NFXL1: variants seen among roughly 807,000 people sequenced by gnomAD.
NFXL1 encodes nuclear transcription factor, X-box binding like 1.
NFXL1 carries 66 observed loss-of-function variants against 123.3 expected under a neutral mutation model. The observed-to-expected ratio is 0.54, with a 90% CI of 0.44 to 0.66. The LOEUF is 0.66. Among genes scored for constraint, NFXL1 ranks in the 30% least tolerant of loss-of-function variants. NFXL1 has a pLI of 0.00. For missense variants in NFXL1, 944 were observed against 1,125.6 expected, an observed-to-expected ratio of 0.84 and a Z score of 2.31; for synonymous variants, 346 against 360.8, an observed-to-expected ratio of 0.96 and a Z score of 0.46.
In NFXL1 at chr4:47,903,206, A is replaced by T; in HGVS notation, c.634T>A (p.Cys212Ser). The change falls in exon 5 of 23, where the codon TGT becomes AGT. Residue 212 changes from cysteine to serine, a missense_variant. By Grantham distance (112) the Cys-to-Ser change is moderately radical. Transcript: ENST00000507489. ...VTDDDFGKKD[C>S]PWPCPKCRFE... ...AGAAAAAGTTACCAAGGCCAGGGAC[A>T]ATCTTTCTTTCCAAAATCATCATCA... The T allele has an allele frequency of 6.3e-7, 1 of 1,589,926 alleles. No individual in the cohort carries two copies. The highest frequency in any genetic ancestry group is 8.5e-7 in the Non-Finnish European group (1 of 1,170,392).
intron 15 of NFXL1, chr4:47,882,223 AC>A (rs1200431971): frequency 6.6e-6 from 1 of 152,238 alleles, no homozygotes; most frequent in Non-Finnish European, 1.5e-5. Flanking sequence ...GAAAATAAAC[AC>A]ATCATTTCCC....
In NFXL1 at chr4:47,910,858, A is replaced by C; in HGVS notation, c.372T>G (p.Leu124=). Residue 124 remains leucine, a synonymous_variant, in exon 3 of 23, where the codon CTT becomes CTG. Transcript: ENST00000507489. ...TAGTGTATGTTATAAACGTATTTGC[A>C]AGTATTTTTCCCTGTTTTCCTTCAA... ...EDFEGKQGKI[L]ANTFITYTTQ... The C allele has an allele frequency of 1.2e-6, 2 of 1,600,986 alleles. No homozygotes were observed. The highest frequency in any genetic ancestry group is 2.3e-5 in the South Asian group (2 of 88,346).
intron 18 of NFXL1, among the ~76,000 whole-genome samples, chr4:47,864,666 CAAGAAGA>C (rs1734951294): frequency 6.6e-6 from 1 of 152,016 alleles, no homozygotes; most frequent in Non-Finnish European, 1.5e-5. Flanking sequence ...CATAAAGGCC[CAAGAAGA>C]TAGGGTACGA....
Position 47,899,008 on chromosome 4 carries a change from T to A in NFXL1, c.939A>T (p.Gly313=), listed in dbSNP as rs148262507. 2.0e-5 allele frequency: 33 copies of A among 1,613,946 alleles called. No individual in the cohort carries two copies. The African/African-American group carries it at 2.5e-4, about 12-fold the overall frequency. Residue 313 remains glycine, a synonymous_variant, in exon 7 of 23, where the codon GGA becomes GGT. Coordinates refer to ENST00000507489, the MANE Select transcript of NFXL1 (RefSeq NM_001278624.2). ...TATGTTGCCCACAAAGCAACTTCTG[T>A]CCACATGGCAGCTGACAAGACCATT... ...AKEWSCQLPC[G]QKLLCGQHKC...
rs188856371 is a variant in NFXL1, at chr4:47,897,824, G to A, written c.1204+143C>T. On this transcript the variant is annotated intron_variant, in intron 9 of 22. Coordinates refer to ENST00000507489, the MANE Select transcript of NFXL1 (RefSeq NM_001278624.2). ...CCTTTCCAGAATGTCATATAGTTGG[G>A]GGCTTAAATTTTGTAGCTTTTTCAG... is the stretch of plus-strand genomic sequence containing the variant. The A allele has an allele frequency of 1.4e-3, 811 of 570,780 alleles. 8 individuals carry two copies. The Admixed American group carries it at 0.026, about 18-fold the overall frequency. The allele number at this position is 570,780 out of a possible 1,614,324, so 35.4% of individuals were successfully genotyped here.
intron 2 of NFXL1, among the ~76,000 whole-genome samples, chr4:47,911,875 T>C (rs1414920983): frequency 2.0e-5 from 3 of 152,200 alleles, no homozygotes; most frequent in Non-Finnish European, 4.4e-5. Context: ...GCAAACATAG[T>C]TTAAGAAAGG....
chr4:47,898,706 A>T lies in NFXL1; in HGVS notation c.1089+51T>A, dbSNP rs762255038. ...AGCCTTGCTGCTTTCTAGGTTGTCT[A>T]TGCTTTCTGTACTCTTTAATACCCA... On this transcript the variant is annotated intron_variant, in intron 8 of 22. Coordinates refer to ENST00000507489, the MANE Select transcript of NFXL1 (RefSeq NM_001278624.2). 6.6e-6 allele frequency: 8 copies of T among 1,214,774 alleles called. No homozygotes were observed. The South Asian group carries it at 8.4e-5, about 13-fold the overall frequency. 75.2% of individuals were successfully genotyped at this position (1,214,774 alleles called of 1,614,324 possible).
rs764740382 is a variant in NFXL1 at position 47,848,135 on chromosome 4, G to A, written c.*28C>T. On this transcript the variant is annotated 3_prime_UTR_variant, in exon 23 of 23. Transcript: ENST00000507489. ...TTAACAACTTATCTAAATCCAATCT[G>A]AGTTACATTAAAAGATCAAAACTTT... The A allele has an allele frequency of 6.9e-6, 10 of 1,444,184 alleles. No individual in the cohort carries two copies. The highest frequency in any genetic ancestry group is 9.5e-6 in the Non-Finnish European group (10 of 1,056,442). 89.5% of individuals were successfully genotyped at this position (1,444,184 alleles called of 1,614,324 possible).
chr4:47,895,246 C>T (rs535095693), intron 10 of NFXL1, among the ~76,000 whole-genome samples: 43 of 152,054 alleles, frequency 2.8e-4, no homozygotes, highest in Non-Finnish European at 5.4e-4. Context: ...CAAAAGATCC[C>T]TAGGATTTTT....
chr4:47,908,113 C>T (rs1164382927), intron 3 of NFXL1, among the ~76,000 whole-genome samples: 2 of 152,172 alleles, frequency 1.3e-5, no homozygotes, highest in Non-Finnish European at 2.9e-5. Flanking sequence ...TGAAATACAT[C>T]GATCCTTCTG....
rs1577979163 is a variant in NFXL1 at position 47,850,884 on chromosome 4, A to T, written c.2562+211T>A. Among the ~76,000 whole-genome samples the T allele has an allele frequency of 1.3e-5, 2 of 152,184 alleles. 1 individual carries two copies. ...AGTAAATTGGAAATACAAAAAAAAA[A>T]TTTGGGAATATATGAGATCTCATAC... is the stretch of plus-strand genomic sequence containing the variant. On this transcript the variant is annotated intron_variant, in intron 22 of 22. Transcript: ENST00000507489.
At chr4:47,850,772 A>G (rs1359849558) in intron 22 of NFXL1, among the ~76,000 whole-genome samples, 1 of 152,094 alleles carries the variant, frequency 6.6e-6, no homozygotes, top group Non-Finnish European at 1.5e-5. Flanking sequence ...GATGCCTTAC[A>G]ATGGTGATGA....
intron 21 of NFXL1, 56 bp downstream of exon 21, chr4:47,851,800 C>T (rs760465360): frequency 3.1e-5 from 36 of 1,162,378 alleles, no homozygotes; most frequent in Non-Finnish European, 4.3e-5. Context: ...CATAAATGCA[C>T]AAAATAAGAA....
chr4:47,848,353 T>C lies in NFXL1; in HGVS notation c.2563-17A>G, dbSNP rs80211868. 1.1e-3 allele frequency: 1,730 copies of C among 1,568,358 alleles called. 15 individuals carry two copies. The African/African-American group carries it at 0.022, about 20-fold the overall frequency. On this transcript the variant is annotated splice_polypyrimidine_tract_variant and intron_variant, in intron 22 of 22. Coordinates refer to ENST00000507489, the MANE Select transcript of NFXL1 (RefSeq NM_001278624.2). ...TAGTTCAGCCTAAATAAAAACAGCA[T>C]CATTTTAATTAAATTCAATGCATAC... is the stretch of plus-strand genomic sequence containing the variant.
At chr4:47,877,281 T>C (rs1163047104) in intron 17 of NFXL1, 4 of 406,554 alleles carry the variant, frequency 9.8e-6, no homozygotes, top group South Asian at 1.8e-5. Flanking sequence ...TACTAAATTA[T>C]CTTCCTGGAT....
chr4:47,881,165 A>AAT (rs1736095384), intron 15 of NFXL1, among the ~76,000 whole-genome samples: 1 of 152,132 alleles, frequency 6.6e-6, no homozygotes. Flanking sequence ...AGTTAACAAT[A>AAT]ATATATATTT....
At chr4:47,849,795 AT>A (rs1043322791) in intron 22 of NFXL1, among the ~76,000 whole-genome samples, 1 of 152,154 alleles carries the variant, frequency 6.6e-6, no homozygotes, top group African/African-American at 2.4e-5. Flanking sequence ...AAACCTGAGG[AT>A]GATCAAGTCT....
intron 9 of NFXL1, among the ~76,000 whole-genome samples, chr4:47,896,905 T>C (rs1737118420): frequency 6.6e-6 from 1 of 152,192 alleles, no homozygotes; most frequent in Admixed American, 6.5e-5. Flanking sequence ...ACTTCAGAAA[T>C]AGTTATCTAA....
intron 18 of NFXL1, among the ~76,000 whole-genome samples, chr4:47,863,288 CTAAT>C (rs1438937381): frequency 6.6e-6 from 1 of 152,078 alleles, no homozygotes; most frequent in Non-Finnish European, 1.5e-5. Context: ...AAATTTAAAA[CTAAT>C]TATTTAATAT....
Sources: allele counts gnomAD v4.1 joint callset (sites outside exome capture counted in the v4.1 genomes callset), GRCh38; gene constraint gnomAD v4.1.1; transcripts MANE v1.5; gene names NCBI Gene and HGNC (gene_info 2026-07-23, HGNC 2026-07-21).